The following CYLD variants were observed in gnomAD, a reference collection of about 807,000 sequenced individuals.
The protein encoded by CYLD is CYLD lysine 63 deubiquitinase.
Under a neutral mutation model 104.5 loss-of-function variants are expected in CYLD, and 26 were observed. The ratio of observed to expected loss-of-function variants is 0.25; its 90% CI spans 0.18 to 0.35. The LOEUF (loss-of-function observed/expected upper bound fraction) is 0.35. Ranked by LOEUF, CYLD falls within the 10% of genes least tolerant of loss-of-function variation. The pLI is 1.00. For synonymous variants in CYLD, 385 were observed against 399.9 expected (o/e 0.96, Z 0.45); for missense variants, 703 against 1,136.1 (o/e 0.62, Z 5.48).
chr16:50,798,106 G>C lies in CYLD; in HGVS notation c.*1598G>C, dbSNP rs1972192346. The C allele has an allele frequency of 4.3e-6, 1 of 231,562 alleles. No homozygotes were observed. Among genetic ancestry groups the C allele is most frequent in the South Asian group, 1.8e-4 (1 of 5,514 alleles). The allele number at this position is 231,562 out of a possible 1,614,324, so 14.3% of individuals were successfully genotyped here. ...GGGTGTGGGGTAAAAGATGCATAAG[G>C]CCTTTTCTAGCTCTGACAGCCTAGA... is the stretch of plus-strand genomic sequence containing the variant. On this transcript the variant is annotated 3_prime_UTR_variant, in exon 19 of 19. Transcript: ENST00000427738.
intron 3 of CYLD, among the ~76,000 whole-genome samples, chr16:50,751,149 G>A (rs536840854): frequency 2.6e-5 from 4 of 152,304 alleles, no homozygotes; most frequent in African/African-American, 9.6e-5. Context: ...ACTTAACAAA[G>A]CTACTTAACT....
At chr16:50,770,248 T>C (rs896741410) in intron 5 of CYLD, among the ~76,000 whole-genome samples, 1 of 152,188 alleles carries the variant, frequency 6.6e-6, no homozygotes, top group African/African-American at 2.4e-5. Flanking sequence ...GTACTCTTAC[T>C]TTACCACTGG....
intron 5 of CYLD, among the ~76,000 whole-genome samples, chr16:50,759,109 C>T (rs919356291): frequency 1.7e-4 from 26 of 152,028 alleles, no homozygotes; most frequent in African/African-American, 5.1e-4. Flanking sequence ...GGCGTGGTGG[C>T]GGTCACCTGT....
chr16:50,795,802 G>A, intron 18 of CYLD: 1 of 559,494 alleles, frequency 1.8e-6, no homozygotes, highest in Admixed American at 3.3e-5. Flanking sequence ...ACCCAGAGGA[G>A]CCTTTCCTGG....
intron 6 of CYLD, 41 bp from the exon 7 acceptor site, chr16:50,776,138 G>C (rs376756010): frequency 1.3e-5 from 18 of 1,358,924 alleles, no homozygotes; most frequent in Non-Finnish European, 1.8e-5. Flanking sequence ...TCTTCTATAA[G>C]AATTTGCCTT....
chr16:50,755,162 C>T lies in CYLD; in HGVS notation c.913+738C>T, dbSNP rs1408559918. 1.8e-4 allele frequency among the ~76,000 whole-genome samples: 9 copies of T among 48,948 alleles called. 1 individual carries two copies. The highest frequency in any genetic ancestry group is 3.5e-4 in the African/African-American group (3 of 8,488). 32.1% of individuals were successfully genotyped at this position (48,948 alleles called of 152,430 possible). ...GTGTACATATGTGTGTATATACACA[C>T]GTGTACATATGTGTGTGTATATACA... On this transcript the variant is annotated intron_variant, in intron 5 of 18. Coordinates refer to ENST00000427738, the MANE Select transcript of CYLD (RefSeq NM_001378743.1).
intron 5 of CYLD, among the ~76,000 whole-genome samples, chr16:50,756,036 T>A (rs1967198103): frequency 6.6e-6 from 1 of 152,218 alleles, no homozygotes; most frequent in African/African-American, 2.4e-5. Context: ...GCAAGCTTTC[T>A]AATATATATT....
chr16:50,758,310 T>C lies in CYLD; in HGVS notation c.913+3886T>C, dbSNP rs1265287062. 2.0e-5 allele frequency among the ~76,000 whole-genome samples: 3 copies of C among 151,826 alleles called. No individual in the cohort carries two copies. The East Asian group carries it at 5.8e-4, about 29-fold the overall frequency. ...TGGCCAGTTTGAGCAATGTGAAGAG[T>C]TGACTGTGGCTGCGGCAGATGGAGT... On this transcript the variant is annotated intron_variant, in intron 5 of 18. Transcript: ENST00000427738.
intron 3 of CYLD, among the ~76,000 whole-genome samples, chr16:50,750,412 A>G (rs187503653): frequency 1.1e-4 from 16 of 152,362 alleles, no homozygotes; most frequent in African/African-American, 3.8e-4. Context: ...CACTGATAAT[A>G]TGTGTGAAAA....
At chr16:50,783,247 A>T (rs998733410) in intron 11 of CYLD, among the ~76,000 whole-genome samples, 1 of 152,030 alleles carries the variant, frequency 6.6e-6, no homozygotes, top group African/African-American at 2.4e-5. Flanking sequence ...CATTGCAAGG[A>T]TCTTTAAGCT....
At chr16:50,784,225 T>G in intron 11 of CYLD, 104 bp from the exon 12 acceptor site, 2 of 1,268,562 alleles carry the variant, frequency 1.6e-6, no homozygotes, top group Non-Finnish European at 2.3e-6. Context: ...TTATGTTATT[T>G]GTTCTCCAGA....
intron 14 of CYLD, among the ~76,000 whole-genome samples, chr16:50,789,253 A>G (rs1567455523): frequency 2.0e-5 from 3 of 152,232 alleles, no homozygotes; most frequent in Admixed American, 6.5e-5. Context: ...GAAATGGGAA[A>G]GGAAAGATAT....
At chr16:50,781,513 C>A in intron 10 of CYLD, 102 bp downstream of exon 10, 1 of 1,393,186 alleles carries the variant, frequency 7.2e-7, no homozygotes, top group Non-Finnish European at 1.0e-6. Flanking sequence ...TAATATATTT[C>A]TTGCCAACGC....
At chr16:50,756,446 G>A (rs1445985402) in intron 5 of CYLD, among the ~76,000 whole-genome samples, 2 of 152,204 alleles carry the variant, frequency 1.3e-5, no homozygotes, top group African/African-American at 2.4e-5. Context: ...CAGGACTCTA[G>A]TCAGAAATAG....
rs539505350 is a variant in CYLD at position 50,789,923 on chromosome 16, G to A, written c.2109-1635G>A. On this transcript the variant is annotated intron_variant, in intron 14 of 18. Coordinates refer to ENST00000427738, the MANE Select transcript of CYLD (RefSeq NM_001378743.1). ...TTACCTCATTGATGCAGTGTGCACA[G>A]CTGAAGAGAGAATTGCTCATTTGGA... Among the ~76,000 whole-genome samples, 3 of 152,282 alleles carry A rather than the reference G, an allele frequency of 2.0e-5. 1 individual carries two copies. Among genetic ancestry groups the A allele is most frequent in the African/African-American group, 4.8e-5 (2 of 41,568 alleles).
intron 5 of CYLD, among the ~76,000 whole-genome samples, chr16:50,768,884 C>A (rs1204604003): frequency 6.6e-6 from 1 of 152,146 alleles, no homozygotes; most frequent in Non-Finnish European, 1.5e-5. Flanking sequence ...TCCTCTCAAC[C>A]CCCTACATTC....
intron 8 of CYLD, 184 bp downstream of exon 8, chr16:50,778,125 G>A: frequency 1.8e-6 from 1 of 541,794 alleles, no homozygotes; most frequent in Non-Finnish European, 3.3e-6. Context: ...TTATTAAAAT[G>A]TTTAAGAAAT....
chr16:50,798,765 T>C lies in CYLD; in HGVS notation c.*2257T>C, dbSNP rs1972253862. 1 of 233,284 alleles carries C rather than the reference T, an allele frequency of 4.3e-6. No homozygotes were observed. The highest frequency in any genetic ancestry group is 2.2e-5 in the African/African-American group (1 of 45,332). The allele number at this position is 233,284 out of a possible 1,614,324, so 14.5% of individuals were successfully genotyped here. ...TGGACACCTGGTTTCAAAAGTCAGG[T>C]GTGGAGACTGTTAAATGGGAGGGCC... On this transcript the variant is annotated 3_prime_UTR_variant, in exon 19 of 19. Coordinates refer to ENST00000427738, the MANE Select transcript of CYLD (RefSeq NM_001378743.1).
At chr16:50,750,559 G>T (rs1966535228) in intron 3 of CYLD, among the ~76,000 whole-genome samples, 1 of 152,030 alleles carries the variant, frequency 6.6e-6, no homozygotes, top group Non-Finnish European at 1.5e-5. Context: ...TGCCTTCTTT[G>T]CTTCTTGATT....
Sources: allele counts gnomAD v4.1 joint callset (sites outside exome capture counted in the v4.1 genomes callset), GRCh38; gene constraint gnomAD v4.1.1; transcripts MANE v1.5; gene names NCBI Gene and HGNC (gene_info 2026-07-23, HGNC 2026-07-21).